The following ARHGAP18 variants were observed in gnomAD, a reference collection of about 807,000 sequenced individuals.
The protein encoded by ARHGAP18 is Rho GTPase activating protein 18.
Under a neutral mutation model 86.2 loss-of-function variants are expected in ARHGAP18, and 67 were observed. The observed-to-expected ratio is 0.78, with a 90% CI of 0.64 to 0.95. The LOEUF (loss-of-function observed/expected upper bound fraction) is 0.95, where lower values mean the gene tolerates loss of function less well. ARHGAP18 is among the 40% of genes least tolerant of loss of function. The pLI, the probability that ARHGAP18 is intolerant of heterozygous loss-of-function variation, is 0.00. For missense variants in ARHGAP18, 691 were observed against 780.4 expected (o/e 0.89, Z 1.37); for synonymous variants, 283 against 280.4 (o/e 1.01, Z -0.09).
At chr6:129,692,709 T>C (rs1315741572) in intron 1 of ARHGAP18, among the ~76,000 whole-genome samples, 12 of 152,186 alleles carry the variant, frequency 7.9e-5, no homozygotes, top group Admixed American at 7.9e-4. Context: ...CTGGAAATCA[T>C]CTATTTATAA....
At chr6:129,673,438 C>T (rs184542839) in intron 1 of ARHGAP18, among the ~76,000 whole-genome samples, 13 of 151,654 alleles carry the variant, frequency 8.6e-5, no homozygotes, top group African/African-American at 2.9e-4. Context: ...GGTTTCAAAC[C>T]AGGTTTATTT....
At chr6:129,611,077 T>C (rs1788969002) in intron 8 of ARHGAP18, among the ~76,000 whole-genome samples, 1 of 152,140 alleles carries the variant, frequency 6.6e-6, no homozygotes. Context: ...TTTAAAATTA[T>C]TTTTTGTAGA....
At chr6:129,692,195 T>G (rs1222951942) in intron 1 of ARHGAP18, among the ~76,000 whole-genome samples, 1 of 152,262 alleles carries the variant, frequency 6.6e-6, no homozygotes, top group Non-Finnish European at 1.5e-5. Context: ...CCTGGGCATT[T>G]CTGTGGATTT....
intron 1 of ARHGAP18, among the ~76,000 whole-genome samples, chr6:129,664,413 T>TA (rs1388105738): frequency 6.6e-6 from 1 of 152,166 alleles, no homozygotes; most frequent in Non-Finnish European, 1.5e-5. Context: ...ACTTAAGGTT[T>TA]TTTTTTTTCA....
chr6:129,605,337 AC>A (rs1333100365), intron 10 of ARHGAP18, among the ~76,000 whole-genome samples: 1 of 152,072 alleles, frequency 6.6e-6, no homozygotes, highest in Non-Finnish European at 1.5e-5. Flanking sequence ...CTCCGGATGA[AC>A]CCTTAGAGAA....
At chr6:129,641,729 T>G (rs1773467971) in intron 2 of ARHGAP18, 87 bp downstream of exon 2, 22 of 1,016,336 alleles carry the variant, frequency 2.2e-5, no homozygotes, top group Non-Finnish European at 2.9e-5. Flanking sequence ...CTAGCTTTAA[T>G]TTTTTTTTTG....
At chr6:129,654,313 T>C (rs952589866) in intron 1 of ARHGAP18, among the ~76,000 whole-genome samples, 1 of 152,226 alleles carries the variant, frequency 6.6e-6, no homozygotes, top group Admixed American at 6.5e-5. Context: ...ATGGGCATAC[T>C]GAGCTCCAGC....
intron 1 of ARHGAP18, among the ~76,000 whole-genome samples, chr6:129,660,592 T>A (rs991303868): frequency 6.6e-6 from 1 of 152,146 alleles, no homozygotes; most frequent in Non-Finnish European, 1.5e-5. Context: ...CTAAATGTGC[T>A]CCACGGACCA....
intron 10 of ARHGAP18, among the ~76,000 whole-genome samples, chr6:129,603,537 G>T (rs1788792425): frequency 6.6e-6 from 1 of 152,178 alleles, no homozygotes; most frequent in Admixed American, 6.5e-5. Flanking sequence ...AGCTGGGTAT[G>T]ATGTTACATC....
intron 1 of ARHGAP18, among the ~76,000 whole-genome samples, chr6:129,673,388 A>C (rs1381471528): frequency 6.6e-6 from 1 of 152,082 alleles, no homozygotes; most frequent in East Asian, 1.9e-4. Context: ...AGAGTAGCCA[A>C]ATCAATGTCC....
chr6:129,583,744 A>C (rs1307609773), intron 13 of ARHGAP18, among the ~76,000 whole-genome samples: 3 of 152,182 alleles, frequency 2.0e-5, no homozygotes, highest in Non-Finnish European at 2.9e-5. Context: ...GAACACTCAG[A>C]AATCCTGCTT....
At chr6:129,674,893 A>G (rs753940859) in intron 1 of ARHGAP18, among the ~76,000 whole-genome samples, 8 of 152,170 alleles carry the variant, frequency 5.3e-5, no homozygotes, top group Non-Finnish European at 1.0e-4. Context: ...GGCCAACTGA[A>G]TCTATGATTA....
intron 12 of ARHGAP18, among the ~76,000 whole-genome samples, chr6:129,598,202 G>A (rs960381112): frequency 5.3e-5 from 8 of 151,830 alleles, no homozygotes; most frequent in African/African-American, 1.9e-4. Context: ...ATAATATCAA[G>A]GCCTTTCTAA....
At chr6:129,686,993 T>TATTTTTG (rs1774439859) in intron 1 of ARHGAP18, among the ~76,000 whole-genome samples, 1 of 133,846 alleles carries the variant, frequency 7.5e-6, no homozygotes, top group Non-Finnish European at 1.6e-5. Context: ...TTTTTTTTTT[T>TATTTTTG]TTTGTATTTT....
intron 11 of ARHGAP18, among the ~76,000 whole-genome samples, chr6:129,599,561 C>T (rs973339175): frequency 7.2e-5 from 11 of 152,140 alleles, no homozygotes; most frequent in African/African-American, 1.9e-4. Flanking sequence ...AGGGCATCCA[C>T]GTGGTATAAT....
rs754480649 is a variant in ARHGAP18 at position 129,611,515 on chromosome 6, G to A, written c.1122+18C>T. 1.9e-6 allele frequency: 3 copies of A among 1,608,018 alleles called. No homozygotes were observed. The highest frequency in any genetic ancestry group is 2.6e-6 in the Non-Finnish European group (3 of 1,174,800). On this transcript the variant is annotated intron_variant, in intron 8 of 14. Transcript: ENST00000368149. ...AATAAACAATAAAATGTTTACATTA[G>A]TAGAACCCAGAGATTACCTTGATTC...
At chr6:129,683,845 A>G (rs1774373447) in intron 1 of ARHGAP18, among the ~76,000 whole-genome samples, 1 of 152,232 alleles carries the variant, frequency 6.6e-6, no homozygotes, top group African/African-American at 2.4e-5. Context: ...CCTGGAAAGT[A>G]ACGTGGAGGT....
At chr6:129,626,073 C>CACACACACACAT (rs1789462255) in intron 5 of ARHGAP18, among the ~76,000 whole-genome samples, 1 of 115,818 alleles carries the variant, frequency 8.6e-6, no homozygotes, top group African/African-American at 3.2e-5. Flanking sequence ...TATACACACA[C>CACACACACACAT]ACACACACAC....
Position 129,578,400 on chromosome 6 carries a change from ATACT to A in ARHGAP18, c.*109_*112del. 1 of 656,722 alleles carries A rather than the reference ATACT, an allele frequency of 1.5e-6. No individual in the cohort carries two copies. Among genetic ancestry groups the A allele is most frequent in the Non-Finnish European group, 2.4e-6 (1 of 414,654 alleles). 40.7% of individuals were successfully genotyped at this position (656,722 alleles called of 1,614,324 possible). A position where few individuals can be genotyped will look rare whatever the true frequency, so the allele number is the denominator to read the frequency against. ...TAAGGCTTAAGAGAGTCATTTTTAA[ATACT>A]TGGGTACAACTGAATAATATGAGTC... On this transcript the variant is annotated 3_prime_UTR_variant, in exon 15 of 15. Coordinates refer to ENST00000368149, the MANE Select transcript of ARHGAP18 (RefSeq NM_033515.3).
Sources: allele counts gnomAD v4.1 joint callset (sites outside exome capture counted in the v4.1 genomes callset), GRCh38; gene constraint gnomAD v4.1.1; transcripts MANE v1.5; gene names NCBI Gene and HGNC (gene_info 2026-07-23, HGNC 2026-07-21).